MAX: variants seen among roughly 807,000 people sequenced by gnomAD.
MAX encodes protein max.
In MAX, 3 loss-of-function variants were observed where a neutral mutation model predicts 22.3. That is an observed-to-expected ratio of 0.13 (90% CI 0.06 to 0.35). The LOEUF (loss-of-function observed/expected upper bound fraction) is 0.35. MAX is among the 10% of genes least tolerant of loss of function. The pLI, the probability that MAX is intolerant of heterozygous loss-of-function variation, is 1.00. For missense variants in MAX, 119 were observed against 209.4 expected, an observed-to-expected ratio of 0.57 and a Z score of 2.66; for synonymous variants, 72 against 77.7, an observed-to-expected ratio of 0.93 and a Z score of 0.39.
At chr14:65,045,658 C>T (rs1372198548) in intron 3 of MAX, among the ~76,000 whole-genome samples, 7 of 152,026 alleles carry the variant, frequency 4.6e-5, no homozygotes, top group South Asian at 2.1e-4. Context: ...TCAGGTGATC[C>T]GCCCACTTCG....
chr14:65,043,312 G>A (rs537458480), intron 3 of MAX, among the ~76,000 whole-genome samples: 133 of 152,312 alleles, frequency 8.7e-4, no homozygotes, highest in South Asian at 2.1e-4. Context: ...TGGTGGTATC[G>A]TGTGTGACCG....
At position 65,079,337 on chromosome 14, in the gene MAX, C is replaced by T. The variant is rs1028903839; in HGVS notation, c.172-1301G>A. ...AGATTGGGCCATTTCAGGAAACAAC[C>T]ACACCTCTACAATGGCTGTGGGTTG... On this transcript the variant is annotated intron_variant, in intron 3 of 4. Coordinates refer to ENST00000358664, the MANE Select transcript of MAX (RefSeq NM_002382.5). The surrounding 1 kb of genome is among the most constrained non-coding windows in gnomAD (Gnocchi z 4.5). 6.6e-6 allele frequency among the ~76,000 whole-genome samples: 1 copy of T among 152,186 alleles called. No homozygotes were observed. Among genetic ancestry groups the T allele is most frequent in the Admixed American group, 6.5e-5 (1 of 15,276 alleles).
Position 65,075,811 on chromosome 14 carries a change from C to T in MAX, c.*665G>A, listed in dbSNP as rs1464485286. 5.6e-5 allele frequency: 60 copies of T among 1,066,342 alleles called. No individual in the cohort carries two copies. The highest frequency in any genetic ancestry group is 6.5e-5 in the Non-Finnish European group (57 of 879,974). The allele number at this position is 1,066,342 out of a possible 1,614,324, so 66.1% of individuals were successfully genotyped here. Reference sequence around the variant, plus strand: ...ACACGGCCCTCCGTGAGGCTGGCGCCGCAGGCTTAAACAGCTGGCTGAGAG... The same window carrying T: ...ACACGGCCCTCCGTGAGGCTGGCGCTGCAGGCTTAAACAGCTGGCTGAGAG... On this transcript the variant is annotated 3_prime_UTR_variant, in exon 5 of 5. Transcript: ENST00000358664. This position sits in a 1 kb window ranked among gnomAD's most constrained non-coding sequence, Gnocchi z 4.1.
chr14:65,072,713 C>G (rs564637984), downstream of MAX, among the ~76,000 whole-genome samples: 4 of 152,314 alleles, frequency 2.6e-5, no homozygotes, highest in East Asian at 7.7e-4. Context: ...GGCTTCTGAG[C>G]AGTTCTGCCT....
At position 65,075,535 on chromosome 14, in the gene MAX, G is replaced by A. The variant is rs2063035165; in HGVS notation, c.*941C>T. On this transcript the variant is annotated 3_prime_UTR_variant, in exon 5 of 5. Coordinates refer to ENST00000358664, the MANE Select transcript of MAX (RefSeq NM_002382.5). The surrounding 1 kb of genome is among the most constrained non-coding windows in gnomAD (Gnocchi z 4.1). ...GCTCTATTTCTTAGAAATACACACG[G>A]GAAGAAAGAAAGATTTCATCATTAC... The A allele has an allele frequency of 1.9e-6, 2 of 1,065,310 alleles. No individual in the cohort carries two copies. Among genetic ancestry groups the A allele is most frequent in the East Asian group, 1.0e-4 (2 of 20,000 alleles). The allele number at this position is 1,065,310 out of a possible 1,614,324, so 66.0% of individuals were successfully genotyped here.
rs967324350 is a variant in MAX at position 65,083,041 on chromosome 14, C to T, written c.172-5005G>A. Among the ~76,000 whole-genome samples the T allele has an allele frequency of 1.1e-4, 17 of 152,274 alleles. No homozygotes were observed. In the East Asian group the frequency reaches 1.7e-3, roughly 16 times the overall value. ...TCTTGGCAGCCCAGAAGGATAAAAGCAAAATGAATAATGTAGAAGGGACCC... is the reference window on the plus strand; with the variant it reads ...TCTTGGCAGCCCAGAAGGATAAAAGTAAAATGAATAATGTAGAAGGGACCC... On this transcript the variant is annotated intron_variant, in intron 3 of 4. Coordinates refer to ENST00000358664, the MANE Select transcript of MAX (RefSeq NM_002382.5).
chr14:65,009,538 A>G lies in MAX; in HGVS notation c.172-3254T>C, dbSNP rs1458623885. 2.6e-5 allele frequency among the ~76,000 whole-genome samples: 4 copies of G among 152,006 alleles called. No homozygotes were observed. Among genetic ancestry groups the G allele is most frequent in the African/African-American group, 9.7e-5 (4 of 41,360 alleles). On this transcript the variant is annotated intron_variant, in intron 3 of 3. Transcript: ENST00000341653. This position sits in a 1 kb window ranked among gnomAD's most constrained non-coding sequence, Gnocchi z 4.2. ...CCTATATTTCGCTAGCTTCGTACCC[A>G]TCATTTCTCGCTCAAAGAATGCAGC...
rs371846836 is a variant in MAX at position 65,099,693 on chromosome 14, C to T, written c.63+1853G>A. ...CTAGCACAGATTTTACAACTGGAGA[C>T]TTGCAGGGAAAAAAAAAGTTTTCAA... is the stretch of plus-strand genomic sequence containing the variant. On this transcript the variant is annotated intron_variant, in intron 2 of 4. Coordinates refer to ENST00000358664, the MANE Select transcript of MAX (RefSeq NM_002382.5). Among the ~76,000 whole-genome samples, 299 of 148,038 alleles carry T rather than the reference C, an allele frequency of 2.0e-3. 2 individuals carry two copies. Among genetic ancestry groups the T allele is most frequent in the African/African-American group, 7.5e-3 (285 of 38,032 alleles).
At chr14:65,061,013 T>C (rs2062854827) in intron 3 of MAX, among the ~76,000 whole-genome samples, 3 of 152,184 alleles carry the variant, frequency 2.0e-5, no homozygotes, top group African/African-American at 2.4e-5. Context: ...CTGTGTCCCA[T>C]GTACTAGATA....
chr14:65,081,705 A>C (rs2063203346), intron 3 of MAX, among the ~76,000 whole-genome samples: 1 of 152,056 alleles, frequency 6.6e-6, no homozygotes, highest in East Asian at 1.9e-4. Flanking sequence ...AAAGCCTGAA[A>C]ATTTTTTTCC....
chr14:65,019,065 C>T (rs1467598565), intron 3 of MAX, among the ~76,000 whole-genome samples: 1 of 152,038 alleles, frequency 6.6e-6, no homozygotes, highest in East Asian at 1.9e-4. Flanking sequence ...GGCTCCTACT[C>T]AGGAGGCTGA....
At chr14:65,074,203 C>A (rs1248115505), downstream of MAX, among the ~76,000 whole-genome samples, 1 of 152,200 alleles carries the variant, frequency 6.6e-6, no homozygotes, top group African/African-American at 2.4e-5. Context: ...AAGAGGAAAG[C>A]ATGTTAACCT....
At chr14:65,087,215 C>T (rs1037635624) in intron 3 of MAX, among the ~76,000 whole-genome samples, 1 of 152,228 alleles carries the variant, frequency 6.6e-6, no homozygotes, top group Non-Finnish European at 1.5e-5. Flanking sequence ...TGGAGGACCT[C>T]TGCTACGGCA....
chr14:65,011,433 A>C lies in MAX; in HGVS notation c.172-5149T>G, dbSNP rs2061681895. Among the ~76,000 whole-genome samples the C allele has an allele frequency of 1.4e-5, 2 of 142,774 alleles. No individual in the cohort carries two copies. The highest frequency in any genetic ancestry group is 2.4e-4 in the East Asian group (1 of 4,162). The allele number at this position is 142,774 out of a possible 152,430, so 93.7% of individuals were successfully genotyped here. A position where few individuals can be genotyped will look rare whatever the true frequency, so the allele number is the denominator to read the frequency against. ...GACAGAGCGAGACTCCGTCTCAGGA[A>C]AAAAAAAAAAAAAAAAAAAGACTGC... On this transcript the variant is annotated intron_variant, in intron 3 of 3. Transcript: ENST00000341653. The surrounding 1 kb of genome is among the most constrained non-coding windows in gnomAD (Gnocchi z 4.0).
At chr14:65,081,013 G>A (rs550058370) in intron 3 of MAX, among the ~76,000 whole-genome samples, 6 of 152,290 alleles carry the variant, frequency 3.9e-5, no homozygotes, top group South Asian at 2.1e-4. Flanking sequence ...TCCATTTCAG[G>A]GTAATTTTTG....
Position 65,093,774 on chromosome 14 carries a change from A to C in MAX, c.105T>G (p.Arg35=), listed in dbSNP as rs1452428468. 6.2e-7 allele frequency: 1 copy of C among 1,611,886 alleles called. No individual in the cohort carries two copies. The highest frequency in any genetic ancestry group is 1.1e-5 in the South Asian group (1 of 91,042). The part of the protein sequence containing the change: ...RAHHNALERK[R]RDHIKDSFHS... Reference sequence around the variant, plus strand: ...GAAAGCTGTCTTTGATGTGGTCCCTACGTTTTCGTTCCAGTGCATTATGAT... The same window carrying C: ...GAAAGCTGTCTTTGATGTGGTCCCTCCGTTTTCGTTCCAGTGCATTATGAT... Residue 35 remains arginine, a synonymous_variant, in exon 3 of 5, where the codon CGT becomes CGG. Transcript: ENST00000358664. This position sits in a 1 kb window ranked among gnomAD's most constrained non-coding sequence, Gnocchi z 4.4.
chr14:65,090,479 A>C (rs1260942987), intron 3 of MAX: 3 of 152,162 alleles, frequency 2.0e-5, no homozygotes, highest in African/African-American at 7.2e-5. Flanking sequence ...GTCAATTATT[A>C]CTGATTTTTT....
At chr14:65,038,117 A>G (rs897503664) in intron 3 of MAX, among the ~76,000 whole-genome samples, 5 of 152,176 alleles carry the variant, frequency 3.3e-5, no homozygotes, top group African/African-American at 4.8e-5. Flanking sequence ...CTGACTTTTA[A>G]GAATACTTTG....
chr14:65,009,065 G>T lies in MAX; in HGVS notation c.172-2781C>A, dbSNP rs996815061. Among the ~76,000 whole-genome samples, 1 of 152,128 alleles carries T rather than the reference G, an allele frequency of 6.6e-6. No homozygotes were observed. The highest frequency in any genetic ancestry group is 2.4e-5 in the African/African-American group (1 of 41,406). Reference sequence around the variant, plus strand: ...AATTGAATGGTTTTGGGGCTGAATTGTTCAGGTAAAAATAGGAAGAGCTCT... The same window carrying T: ...AATTGAATGGTTTTGGGGCTGAATTTTTCAGGTAAAAATAGGAAGAGCTCT... On this transcript the variant is annotated intron_variant, in intron 3 of 3. Transcript: ENST00000341653. The surrounding 1 kb of genome is among the most constrained non-coding windows in gnomAD (Gnocchi z 4.2).
Sources: allele counts gnomAD v4.1 joint callset (sites outside exome capture counted in the v4.1 genomes callset), GRCh38; gene constraint gnomAD v4.1.1; non-coding constraint Gnocchi (gnomAD v3.1); transcripts MANE v1.5; gene names NCBI Gene and HGNC (gene_info 2026-07-23, HGNC 2026-07-21).